FARS2: variants seen among roughly 807,000 people sequenced by gnomAD.
FARS2 encodes phenylalanine--tRNA ligase, mitochondrial.
Under a neutral mutation model 46.4 loss-of-function variants are expected in FARS2, and 40 were observed. The observed-to-expected ratio is 0.86, with a 90% CI of 0.67 to 1.12. The LOEUF is 1.12. Ranked by LOEUF, FARS2 falls within the 50% of genes most tolerant of loss-of-function variation. The pLI, the probability that FARS2 is intolerant of heterozygous loss-of-function variation, is 0.00. For synonymous variants in FARS2, 234 were observed against 214.9 expected, an observed-to-expected ratio of 1.09 and a Z score of -0.78; for missense variants, 513 against 567.9, an observed-to-expected ratio of 0.90 and a Z score of 0.98.
intron 4 of FARS2, among the ~76,000 whole-genome samples, chr6:5,535,133 T>G (rs1426778632): frequency 6.6e-6 from 1 of 152,228 alleles, no homozygotes; most frequent in Non-Finnish European, 1.5e-5. Context: ...TTGAGTATCT[T>G]TTCATGAGCT....
intron 4 of FARS2, among the ~76,000 whole-genome samples, chr6:5,526,740 C>T (rs1166596748): frequency 6.6e-6 from 1 of 152,072 alleles, no homozygotes; most frequent in Non-Finnish European, 1.5e-5. Flanking sequence ...CCTCAGTCTC[C>T]CGAGTAACTG....
At chr6:5,586,710 G>C (rs967839914) in intron 5 of FARS2, among the ~76,000 whole-genome samples, 12 of 152,098 alleles carry the variant, frequency 7.9e-5, no homozygotes, top group African/African-American at 2.9e-4. Context: ...GATAATGCTT[G>C]TCTCATAAAA....
At chr6:5,618,741 T>C (rs1775606880) in intron 6 of FARS2, among the ~76,000 whole-genome samples, 3 of 152,214 alleles carry the variant, frequency 2.0e-5, no homozygotes, top group African/African-American at 7.2e-5. Context: ...ACTTAATCTA[T>C]GGGCCACTTA....
intron 1 of FARS2, among the ~76,000 whole-genome samples, chr6:5,320,528 G>T (rs192745370): frequency 6.6e-6 from 1 of 152,208 alleles, no homozygotes; most frequent in African/African-American, 2.4e-5. Flanking sequence ...ACCACTTAAG[G>T]TGGTACTGTG....
chr6:5,440,028 A>G (rs1763752085), intron 4 of FARS2, among the ~76,000 whole-genome samples: 1 of 152,208 alleles, frequency 6.6e-6, no homozygotes. Context: ...TCAAATATTT[A>G]CTTAGCCTTT....
chr6:5,476,129 GGAGGT>G (rs1177482769), intron 4 of FARS2, among the ~76,000 whole-genome samples: 1 of 152,138 alleles, frequency 6.6e-6, no homozygotes, highest in Non-Finnish European at 1.5e-5. Context: ...TTGAAGATCA[GGAGGT>G]GAGGTCTGGG....
chr6:5,402,646 T>A (rs1442910947), intron 2 of FARS2, among the ~76,000 whole-genome samples: 2 of 152,154 alleles, frequency 1.3e-5, no homozygotes, highest in African/African-American at 4.8e-5. Context: ...TAGCTGTGCT[T>A]TATCTTTCAC....
Position 5,536,390 on chromosome 6 carries a change from CATGTT to C in FARS2, c.905-8787_905-8783del, listed in dbSNP as rs542959021. ...GTTTTAATTCATCTTTCTTCATTCT[CATGTT>C]ATAAGTTCTGAAAAAATAGGAGTGT... On this transcript the variant is annotated intron_variant, in intron 4 of 6. Transcript: ENST00000274680. Among the ~76,000 whole-genome samples, 37 of 152,172 alleles carry C rather than the reference CATGTT, an allele frequency of 2.4e-4. No individual in the cohort carries two copies. In the South Asian group the frequency reaches 7.2e-3, roughly 30 times the overall value.
chr6:5,604,066 A>G (rs760676), intron 5 of FARS2, among the ~76,000 whole-genome samples: 42,596 of 152,054 alleles, frequency 0.28, 6,741 homozygotes, highest in African/African-American at 0.43. Context: ...AGGGAGGTGG[A>G]TAGGAGATGG....
At chr6:5,609,078 T>C in intron 5 of FARS2, 1 of 590,684 alleles carries the variant, frequency 1.7e-6, no homozygotes, top group Non-Finnish European at 3.1e-6. Flanking sequence ...TTTTTGCCCA[T>C]ACACATGAGT....
chr6:5,760,436 A>G (rs1762423838), intron 6 of FARS2, among the ~76,000 whole-genome samples: 1 of 152,154 alleles, frequency 6.6e-6, no homozygotes, highest in African/African-American at 2.4e-5. Context: ...TTTGCCAGGA[A>G]TGAGACCTCA....
intron 6 of FARS2, among the ~76,000 whole-genome samples, chr6:5,678,504 AC>A: frequency 6.6e-6 from 1 of 152,272 alleles, no homozygotes; most frequent in Admixed American, 6.5e-5. Flanking sequence ...GAGAGGACAT[AC>A]TTTTATAGTC....
intron 4 of FARS2, among the ~76,000 whole-genome samples, chr6:5,538,473 C>T (rs1770358315): frequency 6.6e-6 from 1 of 152,122 alleles, no homozygotes; most frequent in Admixed American, 6.5e-5. Flanking sequence ...TCCAAGGTTG[C>T]CTCTAAGCTC....
chr6:5,588,650 G>C (rs1201193095), intron 5 of FARS2, among the ~76,000 whole-genome samples: 1 of 152,146 alleles, frequency 6.6e-6, no homozygotes, highest in Non-Finnish European at 1.5e-5. Flanking sequence ...GGTTCCACTG[G>C]TTCTGCCTAC....
Position 5,354,956 on chromosome 6 carries a change from TC to T in FARS2, c.-21-13593del, listed in dbSNP as rs567561466. ...GAATCTAACATCTTCTCTGGTGATG[TC>T]AATGTCACTGGTCTTGGGACTGTAT... On this transcript the variant is annotated intron_variant, in intron 1 of 6. Transcript: ENST00000274680. 1.1e-4 allele frequency among the ~76,000 whole-genome samples: 16 copies of T among 152,302 alleles called. No individual in the cohort carries two copies. In the South Asian group the frequency reaches 3.1e-3, roughly 30 times the overall value.
rs140430586 is a variant in FARS2, at chr6:5,749,675, A to G, written c.1218-21616A>G. 5.0e-4 allele frequency among the ~76,000 whole-genome samples: 76 copies of G among 152,338 alleles called. 1 individual carries two copies. In the East Asian group the frequency reaches 0.011, roughly 22 times the overall value. On this transcript the variant is annotated intron_variant, in intron 6 of 6. Transcript: ENST00000274680. ...AGCCTGAAAACTTCTTCCTTCTGGCATGTTTACAGTTTATGAAGTAAAAAG... is the reference window on the plus strand; with the variant it reads ...AGCCTGAAAACTTCTTCCTTCTGGCGTGTTTACAGTTTATGAAGTAAAAAG...
intron 5 of FARS2, among the ~76,000 whole-genome samples, chr6:5,561,286 G>T (rs181821615): frequency 2.0e-4 from 31 of 151,736 alleles, no homozygotes; most frequent in African/African-American, 7.3e-4. Context: ...GTTTTTTTTG[G>T]CATATCAAAC....
intron 6 of FARS2, among the ~76,000 whole-genome samples, chr6:5,721,000 C>T (rs1759862174): frequency 6.6e-6 from 1 of 152,188 alleles, no homozygotes; most frequent in South Asian, 2.1e-4. Context: ...CTGCAGTGAG[C>T]TGTGATCATA....
At chr6:5,310,005 A>C (rs1768978788) in intron 1 of FARS2, among the ~76,000 whole-genome samples, 1 of 152,222 alleles carries the variant, frequency 6.6e-6, no homozygotes. Flanking sequence ...AGATCTTGCT[A>C]CAGAAAAAGA....
Sources: allele counts gnomAD v4.1 joint callset (sites outside exome capture counted in the v4.1 genomes callset), GRCh38; gene constraint gnomAD v4.1.1; transcripts MANE v1.5; gene names NCBI Gene and HGNC (gene_info 2026-07-23, HGNC 2026-07-21).